PCDHA5: variants seen among roughly 807,000 people sequenced by gnomAD.
The protein encoded by PCDHA5 is protocadherin alpha 5.
In PCDHA5, 43 loss-of-function variants were observed where a neutral mutation model predicts 61.6. The observed-to-expected ratio is 0.70, with a 90% CI of 0.55 to 0.90. The LOEUF (loss-of-function observed/expected upper bound fraction) is 0.90. Among genes scored for constraint, PCDHA5 ranks in the 40% least tolerant of loss-of-function variants. The pLI is 0.00. For synonymous variants in PCDHA5, 627 were observed against 543.9 expected (o/e 1.15, Z -2.13); for missense variants, 1,298 against 1,222.7 (o/e 1.06, Z -0.92).
intron 1 of PCDHA5, among the ~76,000 whole-genome samples, chr5:140,949,420 G>A (rs1219049825): frequency 6.6e-6 from 1 of 151,726 alleles, no homozygotes; most frequent in African/African-American, 2.4e-5. Context: ...TCATCATTGT[G>A]TTTATCTCTT....
rs1489888830 is a variant in PCDHA5, at chr5:140,987,480, A to G, written c.2500+4917A>G. ...TGTTAAGAGCTCAAGCTTGGGAGTC[A>G]GTGACCCTTTCTGAATTCTACCTCT... is the stretch of plus-strand genomic sequence containing the variant. On this transcript the variant is annotated intron_variant, in intron 3 of 3. Coordinates refer to ENST00000529859, the MANE Select transcript of PCDHA5 (RefSeq NM_018908.3). Among the ~76,000 whole-genome samples, 6 of 152,310 alleles carry G rather than the reference A, an allele frequency of 3.9e-5. No homozygotes were observed. The South Asian group carries it at 1.2e-3, about 32-fold the overall frequency.
chr5:140,863,288 A>G, intron 1 of PCDHA5: 1 of 1,462,142 alleles, frequency 6.8e-7, no homozygotes, highest in South Asian at 1.1e-5. Context: ...GTCAACGTGT[A>G]CCTGATCATC....
chr5:140,938,298 A>G (rs549354760), intron 1 of PCDHA5, among the ~76,000 whole-genome samples: 4 of 152,350 alleles, frequency 2.6e-5, no homozygotes, highest in African/African-American at 7.2e-5. Context: ...ATTGCCTATG[A>G]AATTCAGTAT....
chr5:140,927,349 G>A (rs782650880), intron 1 of PCDHA5: 3 of 1,614,016 alleles, frequency 1.9e-6, no homozygotes, highest in Admixed American at 1.7e-5. Context: ...AGATGACGAC[G>A]AGGGAAGCAA....
chr5:140,830,174 G>C, intron 1 of PCDHA5: 1 of 1,613,632 alleles, frequency 6.2e-7, no homozygotes, highest in Non-Finnish European at 8.5e-7. Flanking sequence ...GGCGCTGGTG[G>C]ATGTCAACGT....
chr5:140,928,860 G>T, intron 1 of PCDHA5: 8 of 1,614,154 alleles, frequency 5.0e-6, no homozygotes, highest in Non-Finnish European at 6.8e-6. Flanking sequence ...GTGTGCTGTT[G>T]AGCAACTCTG....
At chr5:140,830,447 G>GCGGAGAAT in intron 1 of PCDHA5, 1 of 1,601,744 alleles carries the variant, frequency 6.2e-7, no homozygotes, top group Middle Eastern at 1.7e-4. Flanking sequence ...GATGGGTAAG[G>GCGGAGAAT]CGGAGAATCA....
chr5:140,842,273 A>G, intron 1 of PCDHA5: 1 of 1,610,790 alleles, frequency 6.2e-7, no homozygotes, highest in Non-Finnish European at 8.5e-7. Flanking sequence ...CTTATACAAA[A>G]TCCTCATTGA....
chr5:140,850,218 G>T, intron 1 of PCDHA5: 1 of 1,593,686 alleles, frequency 6.3e-7, no homozygotes. Context: ...GGGCACTGAC[G>T]GCGCAGTGAG....
rs28619398 is a variant in PCDHA5 at position 140,895,037 on chromosome 5, C to T, written c.2352+70910C>T. 4.7e-3 allele frequency among the ~76,000 whole-genome samples: 720 copies of T among 152,250 alleles called. 7 individuals are homozygous for T. The highest frequency in any genetic ancestry group is 0.016 in the African/African-American group (670 of 41,558). ...TTTTCCTTTGTTTAATTGTCCCCCA[C>T]CCACACCATTCTGCTTCATATGGAC... is the stretch of plus-strand genomic sequence containing the variant. On this transcript the variant is annotated intron_variant, in intron 1 of 3. Transcript: ENST00000529859.
chr5:141,000,418 T>TAA (rs2097924814), intron 3 of PCDHA5, among the ~76,000 whole-genome samples: 1 of 83,682 alleles, frequency 1.2e-5, no homozygotes, highest in Non-Finnish European at 2.2e-5. Context: ...TATATATATA[T>TAA]ATATTTTTTT....
intron 1 of PCDHA5, among the ~76,000 whole-genome samples, chr5:140,917,059 G>A (rs1174473146): frequency 6.6e-6 from 1 of 152,044 alleles, no homozygotes; most frequent in Non-Finnish European, 1.5e-5. Context: ...TCCCTGCTAC[G>A]ACAGCACCGA....
chr5:140,826,206 T>A (rs1768846872), intron 1 of PCDHA5, among the ~76,000 whole-genome samples: 1 of 152,236 alleles, frequency 6.6e-6, no homozygotes, highest in Non-Finnish European at 1.5e-5. Flanking sequence ...GGTCACATTT[T>A]AAAAAATCAA....
intron 1 of PCDHA5, among the ~76,000 whole-genome samples, chr5:140,917,823 G>A (rs1167187844): frequency 6.6e-5 from 10 of 151,920 alleles, no homozygotes; most frequent in African/African-American, 1.9e-4. Context: ...AAGTTGGGTA[G>A]TGTGATGTCC....
intron 1 of PCDHA5, among the ~76,000 whole-genome samples, chr5:140,872,998 G>C (rs2054022914): frequency 6.6e-6 from 1 of 152,060 alleles, no homozygotes; most frequent in African/African-American, 2.4e-5. Flanking sequence ...TTACTTCTGA[G>C]TCATTCTTCA....
chr5:140,968,813 A>T, intron 1 of PCDHA5: 2 of 1,614,194 alleles, frequency 1.2e-6, no homozygotes, highest in Non-Finnish European at 1.7e-6. Context: ...TGTGGTGGAT[A>T]GGGTTTCCAA....
chr5:141,003,588 T>C (rs558863784), intron 3 of PCDHA5, among the ~76,000 whole-genome samples: 65 of 152,252 alleles, frequency 4.3e-4, no homozygotes, highest in African/African-American at 1.3e-3. Context: ...GCTGGGATTT[T>C]AGATGTGAGC....
chr5:140,840,515 G>A (rs768946675), intron 1 of PCDHA5, among the ~76,000 whole-genome samples: 2 of 151,998 alleles, frequency 1.3e-5, no homozygotes, highest in African/African-American at 4.8e-5. Context: ...TTTTGGAGCA[G>A]AAGAAAGATG....
At chr5:140,827,315 C>A (rs2150147062) in intron 1 of PCDHA5, among the ~76,000 whole-genome samples, 1 of 152,126 alleles carries the variant, frequency 6.6e-6, no homozygotes, top group East Asian at 1.9e-4. Flanking sequence ...GGTAGAAATT[C>A]CACTAGAATT....
Sources: allele counts gnomAD v4.1 joint callset (sites outside exome capture counted in the v4.1 genomes callset), GRCh38; gene constraint gnomAD v4.1.1; transcripts MANE v1.5; gene names NCBI Gene and HGNC (gene_info 2026-07-23, HGNC 2026-07-21).